Variants in RYR3 observed in about 807,000 individuals in gnomAD.
RYR3 encodes the protein brain ryanodine receptor-calcium release channel.
Under a neutral mutation model 584.3 loss-of-function variants are expected in RYR3, and 207 were observed. The observed-to-expected ratio is 0.35, with a 90% CI of 0.32 to 0.40. The LOEUF (loss-of-function observed/expected upper bound fraction) is 0.40, where lower values mean the gene tolerates loss of function less well. Ranked by LOEUF, RYR3 falls within the 10% of genes least tolerant of loss-of-function variation. The pLI is 1.00. For missense variants in RYR3, 5,616 were observed against 6,089.2 expected, an observed-to-expected ratio of 0.92 and a Z score of 2.59; for synonymous variants, 2,416 against 2,248.5, an observed-to-expected ratio of 1.07 and a Z score of -2.11.
At chr15:33,663,788 C>G in intron 36 of RYR3, 51 bp downstream of exon 36, 1 of 1,492,586 alleles carries the variant, frequency 6.7e-7, no homozygotes. Flanking sequence ...GAACTTGAGA[C>G]CTATGGAACA....
In RYR3 at chr15:33,368,262, G is replaced by A. The variant is rs115993341; in HGVS notation, c.51+57166G>A. ...TCAACTCATCCAAATATATAACATCGGAGTAGATTCTGGGTCATCGCCTAG... is the reference window on the plus strand; with the variant it reads ...TCAACTCATCCAAATATATAACATCAGAGTAGATTCTGGGTCATCGCCTAG... On this transcript the variant is annotated intron_variant, in intron 1 of 103. Coordinates refer to ENST00000634891, the MANE Select transcript of RYR3 (RefSeq NM_001036.6). 6.1e-3 allele frequency among the ~76,000 whole-genome samples: 916 copies of A among 151,260 alleles called. 14 individuals carry two copies. Among genetic ancestry groups the A allele is most frequent in the African/African-American group, 0.021 (875 of 41,150 alleles).
chr15:33,337,790 T>A (rs1036354369), intron 1 of RYR3, among the ~76,000 whole-genome samples: 1 of 152,114 alleles, frequency 6.6e-6, no homozygotes, highest in African/African-American at 2.4e-5. Context: ...CACATGTGCA[T>A]CAGGTATGTG....
intron 65 of RYR3, among the ~76,000 whole-genome samples, chr15:33,785,111 C>T (rs765610104): frequency 1.3e-5 from 2 of 152,144 alleles, no homozygotes; most frequent in Admixed American, 6.5e-5. Context: ...AGTCCACGTG[C>T]GATGCTTTTC....
At chr15:33,432,256 G>A (rs1567223378) in intron 1 of RYR3, among the ~76,000 whole-genome samples, 1 of 152,072 alleles carries the variant, frequency 6.6e-6, no homozygotes, top group Admixed American at 6.5e-5. Flanking sequence ...TACTACAGGA[G>A]GGAAAAAACC....
chr15:33,428,227 C>T (rs2044811026), intron 1 of RYR3, among the ~76,000 whole-genome samples: 1 of 152,162 alleles, frequency 6.6e-6, no homozygotes, highest in Non-Finnish European at 1.5e-5. Context: ...GTCCCTGTCT[C>T]TTGTATTGCA....
In RYR3 at chr15:33,864,139, T is replaced by TTCTTTCTGATG; in HGVS notation, c.14469_14479dup (p.Tyr4827SerfsTer3). On this transcript the variant is annotated frameshift_variant and splice_region_variant, in exon 103 of 104. Coordinates refer to ENST00000634891, the MANE Select transcript of RYR3 (RefSeq NM_001036.6). LOFTEE classifies it high-confidence loss of function. ...AATACTATCTTTTCCTCGTTCCAGG[T>TTCTTTCTGATG]TCTTTCTGATGTATTTGATTAATAA... 1.2e-6 allele frequency: 2 copies of TTCTTTCTGATG among 1,610,706 alleles called. No homozygotes were observed. Among genetic ancestry groups the TTCTTTCTGATG allele is most frequent in the Non-Finnish European group, 1.7e-6 (2 of 1,177,730 alleles).
At chr15:33,473,604 A>G (rs1428570164) in intron 2 of RYR3, 66 bp downstream of exon 2, 1 of 1,522,114 alleles carries the variant, frequency 6.6e-7, no homozygotes, top group Admixed American at 1.7e-5. Flanking sequence ...TTTAGGGGAG[A>G]TACTGCTGGG....
chr15:33,724,361 G>A (rs2068186669), intron 45 of RYR3, among the ~76,000 whole-genome samples, 185 bp downstream of exon 45: 1 of 152,094 alleles, frequency 6.6e-6, no homozygotes, highest in Admixed American at 6.5e-5. Context: ...TTCTAGGGAG[G>A]GACTCCCGGG....
At chr15:33,611,848 A>ATTC (rs1491259299) in intron 18 of RYR3, among the ~76,000 whole-genome samples, 11 of 152,022 alleles carry the variant, frequency 7.2e-5, no homozygotes, top group Non-Finnish European at 1.5e-4. Context: ...TAGTAGAGAC[A>ATTC]GAGTTTCACC....
intron 8 of RYR3, among the ~76,000 whole-genome samples, chr15:33,544,133 G>A (rs2056052215): frequency 6.6e-6 from 1 of 152,166 alleles, no homozygotes; most frequent in Non-Finnish European, 1.5e-5. Flanking sequence ...GTAGTGCCAA[G>A]GGTGCATTTA....
chr15:33,758,562 G>A (rs905748113), intron 60 of RYR3, among the ~76,000 whole-genome samples: 2 of 152,140 alleles, frequency 1.3e-5, no homozygotes, highest in Admixed American at 6.5e-5. Flanking sequence ...ACCACAGCAC[G>A]GCAAAGCTGC....
chr15:33,589,575 G>C (rs755863017), intron 16 of RYR3, among the ~76,000 whole-genome samples: 7 of 152,082 alleles, frequency 4.6e-5, no homozygotes, highest in South Asian at 4.2e-4. Flanking sequence ...TTTACTTCTA[G>C]GATTTTCATA....
chr15:33,662,797 G>A lies in RYR3; in HGVS notation c.5267G>A (p.Gly1756Glu). 1 of 1,613,992 alleles carries A rather than the reference G, an allele frequency of 6.2e-7. No individual in the cohort carries two copies. Among genetic ancestry groups the A allele is most frequent in the Non-Finnish European group, 8.5e-7 (1 of 1,179,896 alleles). ...ILLLIDPSVF[G>E]EHSAGTEEGA... ...CTCCTGATTGATCCCTCTGTGTTTG[G>A]GGAGCATAGTGCGGGGACAGAGGAG... The change falls in exon 35 of 104, where the codon GGG (glycine) becomes GAG (glutamate). Residue 1756 changes from glycine to glutamate, a missense_variant. By Grantham distance (98) the Gly-to-Glu change is moderately conservative. Coordinates refer to ENST00000634891, the MANE Select transcript of RYR3 (RefSeq NM_001036.6).
rs111451842 is a variant in RYR3 at position 33,386,291 on chromosome 15, T to C, written c.51+75195T>C. ...AACTCATTGGCGTTTCATTCCTTGC[T>C]GTATCATAATTAAGACCATTTCCAA... On this transcript the variant is annotated intron_variant, in intron 1 of 103. Transcript: ENST00000634891. 8.3e-4 allele frequency among the ~76,000 whole-genome samples: 127 copies of C among 152,242 alleles called. 1 individual carries two copies. The highest frequency in any genetic ancestry group is 3.7e-4 in the Non-Finnish European group (25 of 68,040).
chr15:33,521,141 T>C (rs1164041496), intron 3 of RYR3, among the ~76,000 whole-genome samples: 1 of 152,098 alleles, frequency 6.6e-6, no homozygotes, highest in Non-Finnish European at 1.5e-5. Flanking sequence ...CAACTCTAGG[T>C]TACCATAGCA....
intron 43 of RYR3, among the ~76,000 whole-genome samples, chr15:33,710,200 T>C (rs1023829754): frequency 1.1e-4 from 17 of 152,158 alleles, no homozygotes; most frequent in Non-Finnish European, 1.8e-4. Context: ...ATAGGAAGCA[T>C]GGTGCTGGTA....
chr15:33,756,230 G>A (rs894473836), intron 58 of RYR3, 76 bp from the exon 59 acceptor site: 23 of 961,272 alleles, frequency 2.4e-5, no homozygotes, highest in Non-Finnish European at 3.6e-5. Flanking sequence ...TAGAAAAGCT[G>A]CTCTGTTTCT....
At chr15:33,704,455 G>T (rs1410597780) in intron 42 of RYR3, among the ~76,000 whole-genome samples, 1 of 152,130 alleles carries the variant, frequency 6.6e-6, no homozygotes, top group East Asian at 1.9e-4. Flanking sequence ...GTTGTGAAGG[G>T]TACCAGCCAC....
chr15:33,818,195 G>C (rs558435856), intron 75 of RYR3, among the ~76,000 whole-genome samples: 2 of 152,284 alleles, frequency 1.3e-5, no homozygotes, highest in East Asian at 1.9e-4. Flanking sequence ...TGGCCTGAGA[G>C]AGCAGTCTCT....
Sources: allele counts gnomAD v4.1 joint callset (sites outside exome capture counted in the v4.1 genomes callset), GRCh38; gene constraint gnomAD v4.1.1; transcripts MANE v1.5; gene names NCBI Gene and HGNC (gene_info 2026-07-23, HGNC 2026-07-21).